The following FAM219A variants were observed in gnomAD, a reference collection of about 807,000 sequenced individuals.
The protein encoded by FAM219A is protein FAM219A.
Under a neutral mutation model 23.4 loss-of-function variants are expected in FAM219A, and 7 were observed. The ratio of observed to expected loss-of-function variants is 0.30; its 90% CI spans 0.17 to 0.56. FAM219A has a LOEUF of 0.56. Among genes scored for constraint, FAM219A ranks in the 20% least tolerant of loss-of-function variants. The probability of loss-of-function intolerance (pLI) is 0.92; values close to 1 mark genes in which losing one functional copy is unlikely to be tolerated. For missense variants in FAM219A, 166 were observed against 246.9 expected, an observed-to-expected ratio of 0.67 and a Z score of 2.20; for synonymous variants, 93 against 99.0, an observed-to-expected ratio of 0.94 and a Z score of 0.36.
intron 1 of FAM219A, among the ~76,000 whole-genome samples, chr9:34,419,052 G>A (rs1588045579): frequency 6.6e-6 from 1 of 151,904 alleles, no homozygotes; most frequent in Non-Finnish European, 1.5e-5. Context: ...TCCAACTTGG[G>A]TGATAGAGCA....
intron 3 of FAM219A, 93 bp from the exon 4 acceptor site, chr9:34,402,560 C>T: frequency 1.3e-6 from 2 of 1,571,806 alleles, no homozygotes; most frequent in South Asian, 1.2e-5. Flanking sequence ...ACTTTCTTCC[C>T]TCCCTCCCCA....
At position 34,398,596 on chromosome 9, in the gene FAM219A, T is replaced by C. The variant is rs1332955308; in HGVS notation, c.*2368A>G. ...CTAGTATGTCCTGTGGGGGGGGAGA[T>C]TTTCCCTGGTGTCTCAGGGCCACAG... is the stretch of plus-strand genomic sequence containing the variant. On this transcript the variant is annotated 3_prime_UTR_variant, in exon 6 of 6. Transcript: ENST00000651358. 1 of 563,382 alleles carries C rather than the reference T, an allele frequency of 1.8e-6. No homozygotes were observed. Among genetic ancestry groups the C allele is most frequent in the Non-Finnish European group, 3.2e-6 (1 of 315,208 alleles). 34.9% of individuals were successfully genotyped at this position (563,382 alleles called of 1,614,324 possible).
intron 1 of FAM219A, among the ~76,000 whole-genome samples, chr9:34,445,122 C>T (rs1823322889): frequency 6.6e-6 from 1 of 152,198 alleles, no homozygotes; most frequent in Admixed American, 6.5e-5. Flanking sequence ...TACTCATCCC[C>T]CTCTAGGTCT....
chr9:34,435,787 G>A (rs934467277), intron 1 of FAM219A, among the ~76,000 whole-genome samples: 1 of 151,450 alleles, frequency 6.6e-6, no homozygotes, highest in Non-Finnish European at 1.5e-5. Flanking sequence ...TATTAAATCA[G>A]TCCTCCCTGA....
At chr9:34,431,891 T>G (rs1822722257) in intron 1 of FAM219A, among the ~76,000 whole-genome samples, 1 of 152,346 alleles carries the variant, frequency 6.6e-6, no homozygotes, top group Non-Finnish European at 1.5e-5. Flanking sequence ...TGTGCATATG[T>G]GCACGCATGT....
chr9:34,416,629 G>A (rs571959398), intron 1 of FAM219A, among the ~76,000 whole-genome samples: 2 of 151,964 alleles, frequency 1.3e-5, no homozygotes, highest in South Asian at 4.2e-4. Context: ...GCTGGGTGTG[G>A]TGGGGTGCTG....
chr9:34,401,806 C>T, intron 4 of FAM219A, 86 bp from the exon 5 acceptor site: 1 of 1,370,718 alleles, frequency 7.3e-7, no homozygotes, highest in Non-Finnish European at 1.0e-6. Context: ...TAGGCAGCAT[C>T]CTATACCTCC....
chr9:34,398,484 T>TA lies in FAM219A; in HGVS notation c.*2479dup. On this transcript the variant is annotated 3_prime_UTR_variant, in exon 6 of 6. Coordinates refer to ENST00000651358, the MANE Select transcript of FAM219A (RefSeq NM_001184940.2). ...GGAAGGAGGGAGCCACACCCCTCCC[T>TA]AGACACAGAAGCTGCCACTGCCAGC... 3 of 1,093,326 alleles carry TA rather than the reference T, an allele frequency of 2.7e-6. No individual in the cohort carries two copies. Among genetic ancestry groups the TA allele is most frequent in the Non-Finnish European group, 4.0e-6 (3 of 758,454 alleles). The allele number at this position is 1,093,326 out of a possible 1,614,324, so 67.7% of individuals were successfully genotyped here. A position where few individuals can be genotyped will look rare whatever the true frequency, so the allele number is the denominator to read the frequency against.
rs781382500 is a variant in FAM219A, at chr9:34,398,441, C to T, written c.*2523G>A. The stretch of plus-strand genomic sequence containing the variant: ...GGCAAGCTAAGGCCTAGATTCTTCC[C>T]TCCAACCTCCCAGACAGGGAAGGAG... On this transcript the variant is annotated 3_prime_UTR_variant, in exon 6 of 6. Transcript: ENST00000651358. The T allele has an allele frequency of 4.5e-5, 66 of 1,472,016 alleles. No individual in the cohort carries two copies. In the Middle Eastern group the frequency reaches 7.9e-4, roughly 18 times the overall value. 91.2% of individuals were successfully genotyped at this position (1,472,016 alleles called of 1,614,324 possible).
chr9:34,410,294 A>G (rs1485023260), intron 1 of FAM219A, among the ~76,000 whole-genome samples: 2 of 152,234 alleles, frequency 1.3e-5, no homozygotes, highest in Non-Finnish European at 1.5e-5. Context: ...AGTGCAGTCA[A>G]TACAATGGTA....
At chr9:34,402,602 G>A in intron 3 of FAM219A, 103 bp downstream of exon 3, 1 of 1,552,518 alleles carries the variant, frequency 6.4e-7, no homozygotes, top group Non-Finnish European at 8.8e-7. Context: ...TCTCCTCTCA[G>A]AGAGGAGCTG....
chr9:34,413,122 C>T (rs1201684709), intron 1 of FAM219A, among the ~76,000 whole-genome samples: 2 of 151,134 alleles, frequency 1.3e-5, no homozygotes, highest in African/African-American at 2.4e-5. Context: ...AACTTTGGAC[C>T]ATGGGAGGGA....
chr9:34,458,355 G>T lies in FAM219A; in HGVS notation c.-92C>A. 1.0e-6 allele frequency: 1 copy of T among 960,846 alleles called. No homozygotes were observed. The highest frequency in any genetic ancestry group is 1.3e-6 in the Non-Finnish European group (1 of 754,796). 59.5% of individuals were successfully genotyped at this position (960,846 alleles called of 1,614,324 possible). On this transcript the variant is annotated 5_prime_UTR_variant, in exon 1 of 6. Transcript: ENST00000651358. The surrounding 1 kb of genome is among the most constrained non-coding windows in gnomAD (Gnocchi z 6.6). Reference sequence around the variant, plus strand: ...GGCGGCCCCAGGAGCCCGGCGGGTGGTGCAGACTAGGCCTCCCCGGACCAC... The same window carrying T: ...GGCGGCCCCAGGAGCCCGGCGGGTGTTGCAGACTAGGCCTCCCCGGACCAC...
rs1822063635 is a variant in FAM219A at position 34,417,024 on chromosome 9, C to T, written c.61-11060G>A. On this transcript the variant is annotated intron_variant, in intron 1 of 5. Transcript: ENST00000651358. The surrounding 1 kb of genome is among the most constrained non-coding windows in gnomAD (Gnocchi z 4.1). ...TCTCCTTCTTCCTTCTTCCTTCTTC[C>T]CTCTTCCCTCCTCCTTCTTCCCCTT... is the stretch of plus-strand genomic sequence containing the variant. Among the ~76,000 whole-genome samples, 1 of 151,452 alleles carries T rather than the reference C, an allele frequency of 6.6e-6. No individual in the cohort carries two copies. Among genetic ancestry groups the T allele is most frequent in the African/African-American group, 2.4e-5 (1 of 41,178 alleles).
chr9:34,455,276 T>G (rs1021688165), intron 1 of FAM219A, among the ~76,000 whole-genome samples: 5 of 152,064 alleles, frequency 3.3e-5, no homozygotes, highest in Admixed American at 1.3e-4. Flanking sequence ...TTTGTCTTCA[T>G]CTCATAAATG....
Position 34,398,740 on chromosome 9 carries a change from T to C in FAM219A, c.*2224A>G, listed in dbSNP as rs1224430399. The C allele has an allele frequency of 3.3e-5, 4 of 120,888 alleles. No homozygotes were observed. Among genetic ancestry groups the C allele is most frequent in the Non-Finnish European group, 6.5e-5 (4 of 61,458 alleles). 7.5% of individuals were successfully genotyped at this position (120,888 alleles called of 1,614,324 possible). On this transcript the variant is annotated 3_prime_UTR_variant, in exon 6 of 6. Coordinates refer to ENST00000651358, the MANE Select transcript of FAM219A (RefSeq NM_001184940.2). The stretch of plus-strand genomic sequence containing the variant: ...AAAGGTGAGCCAAGGAGCCCCGGGG[T>C]GGTGGTGGTGGTAGTGGGAGGGCTG...
At chr9:34,447,682 G>A (rs1302936236) in intron 1 of FAM219A, among the ~76,000 whole-genome samples, 2 of 152,100 alleles carry the variant, frequency 1.3e-5, no homozygotes, top group African/African-American at 2.4e-5. Context: ...CATATTAAGT[G>A]TGGCCAACCA....
At chr9:34,420,009 T>C (rs1458078012) in intron 1 of FAM219A, among the ~76,000 whole-genome samples, 1 of 152,204 alleles carries the variant, frequency 6.6e-6, no homozygotes, top group African/African-American at 2.4e-5. Flanking sequence ...CCCACAAAGA[T>C]AATTTGCAGC....
rs1312824683 is a variant in FAM219A at position 34,402,631 on chromosome 9, AG to A, written c.263+73del. On this transcript the variant is annotated intron_variant, in intron 3 of 5. Transcript: ENST00000651358. ...GGAGCTGGGCCTGAGGAGGGAGGGA[AG>A]AGGGGGAGGCTCAGGACCAGCAGAA... 3 of 1,567,856 alleles carry A rather than the reference AG, an allele frequency of 1.9e-6. No homozygotes were observed. In the Admixed American group the frequency reaches 5.1e-5, roughly 27 times the overall value.
Sources: allele counts gnomAD v4.1 joint callset (sites outside exome capture counted in the v4.1 genomes callset), GRCh38; gene constraint gnomAD v4.1.1; non-coding constraint Gnocchi (gnomAD v3.1); transcripts MANE v1.5; gene names NCBI Gene and HGNC (gene_info 2026-07-23, HGNC 2026-07-21).